Variants in DPP10 observed in about 807,000 individuals in gnomAD.
DPP10 encodes the protein inactive dipeptidyl peptidase 10.
Under a neutral mutation model 120.9 loss-of-function variants are expected in DPP10, and 33 were observed. That is an observed-to-expected ratio of 0.27 (90% CI 0.21 to 0.37). DPP10 has a LOEUF of 0.37. DPP10 is among the 10% of genes least tolerant of loss of function. DPP10 has a pLI of 1.00. For synonymous variants in DPP10, 337 were observed against 326.1 expected, an observed-to-expected ratio of 1.03 and a Z score of -0.36; for missense variants, 816 against 942.8, an observed-to-expected ratio of 0.87 and a Z score of 1.76.
intron 1 of DPP10, among the ~76,000 whole-genome samples, chr2:114,558,325 A>C (rs1688485819): frequency 6.6e-6 from 1 of 152,302 alleles, no homozygotes; most frequent in Non-Finnish European, 1.5e-5. Context: ...CCTCCAACTA[A>C]TTGGGCTCTC....
At chr2:115,101,916 ATT>A (rs2048707968) in intron 1 of DPP10, among the ~76,000 whole-genome samples, 1 of 152,228 alleles carries the variant, frequency 6.6e-6, no homozygotes, top group African/African-American at 2.4e-5. Flanking sequence ...ACCTGAACCA[ATT>A]CTGCAAATTA....
intron 1 of DPP10, among the ~76,000 whole-genome samples, chr2:114,931,973 T>C (rs890771831): frequency 6.6e-6 from 1 of 152,242 alleles, no homozygotes; most frequent in Non-Finnish European, 1.5e-5. Flanking sequence ...TGCCTTTCTG[T>C]TCGCTAAATC....
intron 3 of DPP10, among the ~76,000 whole-genome samples, chr2:115,382,214 T>G (rs1403841698): frequency 6.6e-6 from 1 of 152,150 alleles, no homozygotes. Context: ...AGCGAGACTC[T>G]GTGGGCATAG....
chr2:114,594,044 G>A (rs1014627346), intron 1 of DPP10, among the ~76,000 whole-genome samples: 2 of 152,072 alleles, frequency 1.3e-5, no homozygotes, highest in African/African-American at 2.4e-5. Flanking sequence ...ATTGATCCTG[G>A]GTGTGTCTAT....
intron 1 of DPP10, among the ~76,000 whole-genome samples, chr2:115,262,750 G>C (rs1559332227): frequency 6.6e-6 from 1 of 152,080 alleles, no homozygotes; most frequent in Admixed American, 6.6e-5. Flanking sequence ...CTCCTCATCT[G>C]TAATGTATTC....
At chr2:115,628,829 ATTATAC>A (rs1305538215) in intron 5 of DPP10, among the ~76,000 whole-genome samples, 2 of 150,348 alleles carry the variant, frequency 1.3e-5, no homozygotes, top group East Asian at 3.9e-4. Context: ...TATTATTATT[ATTATAC>A]TTTAAGTTTT....
In DPP10 at chr2:115,727,819, T is replaced by C; in HGVS notation, c.580T>C (p.Tyr194His). The change falls in exon 8 of 26, where the codon TAT (tyrosine) becomes CAT (histidine). Residue 194 changes from tyrosine (Y) to histidine (H), a missense_variant. Tyr to His is a moderately conservative substitution (Grantham distance 83). This residue lies in a region of DPP10 where 42 missense variants were observed against 86.4 expected (regional missense o/e 0.49). Coordinates refer to ENST00000410059, the MANE Select transcript of DPP10 (RefSeq NM_020868.6). ...AWGVQGQQLI[Y>H]IFENNIYYQP... is the part of the protein sequence containing the mutation. ...TGTTTCACATTTCCTGATCCAGATT[T>C]ATATTTTTGAAAATAATATCTACTA... is the stretch of plus-strand genomic sequence containing the variant. 6.3e-7 allele frequency: 1 copy of C among 1,584,302 alleles called. No homozygotes were observed. Among genetic ancestry groups the C allele is most frequent in the Non-Finnish European group, 8.5e-7 (1 of 1,169,746 alleles).
intron 2 of DPP10, among the ~76,000 whole-genome samples, chr2:115,320,188 C>T (rs1052554750): frequency 6.6e-6 from 1 of 152,110 alleles, no homozygotes; most frequent in African/African-American, 2.4e-5. Flanking sequence ...ATGAGGATAA[C>T]AAATTCTGCT....
intron 19 of DPP10, among the ~76,000 whole-genome samples, chr2:115,802,577 A>C (rs909573881): frequency 1.1e-4 from 16 of 152,094 alleles, no homozygotes; most frequent in Non-Finnish European, 7.4e-5. Context: ...TAGTGCTATA[A>C]ATTTCCCTCT....
rs550100167 is a variant in DPP10 at position 114,480,601 on chromosome 2, G to A, written c.60+37763G>A. Among the ~76,000 whole-genome samples, 109 of 150,242 alleles carry A rather than the reference G, an allele frequency of 7.3e-4. 1 individual carries two copies. Among genetic ancestry groups the A allele is most frequent in the Non-Finnish European group, 9.7e-4 (66 of 67,796 alleles). ...AAACCATCATTCTCAGCAAACTATCGCAAGGACAAAAAACCAAACACCACA... is the reference window on the plus strand; with the variant it reads ...AAACCATCATTCTCAGCAAACTATCACAAGGACAAAAAACCAAACACCACA... On this transcript the variant is annotated intron_variant, in intron 1 of 25. Coordinates refer to ENST00000410059, the MANE Select transcript of DPP10 (RefSeq NM_020868.6).
At chr2:115,420,576 C>T (rs2069849487) in intron 3 of DPP10, among the ~76,000 whole-genome samples, 2 of 152,118 alleles carry the variant, frequency 1.3e-5, no homozygotes, top group South Asian at 4.1e-4. Flanking sequence ...AATGAGTGAT[C>T]CTAAAAATAT....
chr2:115,740,864 C>T (rs899802451), intron 9 of DPP10, among the ~76,000 whole-genome samples: 6 of 152,086 alleles, frequency 3.9e-5, no homozygotes, highest in African/African-American at 9.7e-5. Flanking sequence ...TAAAATTTCT[C>T]TTCTCATTTT....
At chr2:115,054,930 A>C (rs1206266004) in intron 1 of DPP10, among the ~76,000 whole-genome samples, 3 of 152,148 alleles carry the variant, frequency 2.0e-5, no homozygotes, top group African/African-American at 4.8e-5. Flanking sequence ...AAAGAAAAAC[A>C]TATCATACCT....
intron 1 of DPP10, among the ~76,000 whole-genome samples, chr2:114,925,283 C>T (rs999210791): frequency 6.7e-6 from 1 of 150,156 alleles, no homozygotes; most frequent in Non-Finnish European, 1.5e-5. Flanking sequence ...CAAAAGCCTA[C>T]ATTTTTAACA....
intron 1 of DPP10, among the ~76,000 whole-genome samples, chr2:114,984,647 G>C (rs536444060): frequency 1.3e-5 from 2 of 152,034 alleles, no homozygotes; most frequent in Admixed American, 6.6e-5. Context: ...AAATAAAACA[G>C]GATTTAAATA....
intron 1 of DPP10, among the ~76,000 whole-genome samples, chr2:114,688,562 A>C (rs1285550902): frequency 1.3e-5 from 2 of 151,930 alleles, no homozygotes; most frequent in Non-Finnish European, 2.9e-5. Flanking sequence ...TTTCCCTTCT[A>C]TACTAAGCTA....
intron 1 of DPP10, among the ~76,000 whole-genome samples, chr2:115,067,861 C>CAAAAAAAAA (rs201964006): frequency 2.8e-4 from 24 of 86,620 alleles, no homozygotes; most frequent in East Asian, 6.9e-4. Context: ...GACTCTGTCT[C>CAAAAAAAAA]AAAAAAAAAA....
intron 1 of DPP10, among the ~76,000 whole-genome samples, chr2:114,526,714 G>A (rs1332116825): frequency 6.6e-6 from 1 of 152,094 alleles, no homozygotes; most frequent in Non-Finnish European, 1.5e-5. Flanking sequence ...GAAGGAATGA[G>A]AGAGCCCTCT....
At chr2:115,300,000 A>G (rs1339801656) in intron 1 of DPP10, among the ~76,000 whole-genome samples, 1 of 152,050 alleles carries the variant, frequency 6.6e-6, no homozygotes, top group East Asian at 1.9e-4. Flanking sequence ...TAAATTCTCT[A>G]ATAACATTTT....
Sources: gnomAD v4.1 joint callset for allele counts (sites outside exome capture counted in the v4.1 genomes callset) on GRCh38, gnomAD v4.1.1 for gene constraint, gnomAD v4.1.1 regional missense constraint, MANE v1.5 for transcripts, NCBI Gene and HGNC (gene_info 2026-07-23, HGNC 2026-07-21) for gene names.